TTC29: variants seen among roughly 807,000 people sequenced by gnomAD.
TTC29 encodes the protein tetratricopeptide repeat protein 29.
A neutral mutation model predicts 58.1 loss-of-function variants in TTC29; 49 were observed. The ratio of observed to expected loss-of-function variants is 0.84; its 90% confidence interval spans 0.67 to 1.07. The LOEUF (loss-of-function observed/expected upper bound fraction) is 1.07. Among genes scored for constraint, TTC29 ranks in the 50% least tolerant of loss-of-function variants. TTC29 has a pLI of 0.00. For missense variants in TTC29, 582 were observed against 555.6 expected, an observed-to-expected ratio of 1.05 and a Z score of -0.48; for synonymous variants, 209 against 196.8, an observed-to-expected ratio of 1.06 and a Z score of -0.52.
At chr4:146,887,162 T>C (rs545991218) in intron 6 of TTC29, among the ~76,000 whole-genome samples, 16 of 152,122 alleles carry the variant, frequency 1.1e-4, no homozygotes, top group Non-Finnish European at 2.4e-4. Flanking sequence ...CTATAGATAA[T>C]AATATTTATT....
intron 8 of TTC29, among the ~76,000 whole-genome samples, chr4:146,855,136 A>T (rs1233023395): frequency 1.3e-5 from 2 of 151,730 alleles, no homozygotes; most frequent in Non-Finnish European, 2.9e-5. Flanking sequence ...GTCTCTTAAA[A>T]CTACAAAAAT....
rs575807179 is a variant in TTC29, at chr4:146,911,240, T to C, written c.177-1991A>G. Among the ~76,000 whole-genome samples the C allele has an allele frequency of 2.2e-4, 34 of 152,242 alleles. No homozygotes were observed. The South Asian group carries it at 6.6e-3, about 30-fold the overall frequency. ...TAGGAGAAGGGACTTAATATTCCAG[T>C]GGGCATCATGTGTGGCCCAGAATTT... On this transcript the variant is annotated intron_variant, in intron 4 of 12. Transcript: ENST00000325106.
intron 4 of TTC29, among the ~76,000 whole-genome samples, chr4:146,933,225 T>C (rs1735487874): frequency 6.6e-6 from 1 of 152,212 alleles, no homozygotes; most frequent in Non-Finnish European, 1.5e-5. Context: ...AAGAAAGTAA[T>C]ATCTTAGAGA....
intron 7 of TTC29, among the ~76,000 whole-genome samples, chr4:146,870,580 A>T (rs1730866561): frequency 6.6e-6 from 1 of 151,992 alleles, no homozygotes; most frequent in South Asian, 2.1e-4. Flanking sequence ...AACAAAATTA[A>T]CAAATGTTTA....
chr4:146,743,355 GT>G (rs1745306311), intron 11 of TTC29, among the ~76,000 whole-genome samples: 1 of 152,020 alleles, frequency 6.6e-6, no homozygotes, highest in South Asian at 2.1e-4. Context: ...TCTACCCAAG[GT>G]ACAGTCACTC....
chr4:146,895,381 G>C (rs1403183454), intron 6 of TTC29, among the ~76,000 whole-genome samples: 1 of 152,176 alleles, frequency 6.6e-6, no homozygotes, highest in Non-Finnish European at 1.5e-5. Flanking sequence ...GGAAACACTA[G>C]GAAACTGTGT....
intron 11 of TTC29, among the ~76,000 whole-genome samples, chr4:146,800,447 T>C (rs1321337203): frequency 6.6e-6 from 1 of 152,198 alleles, no homozygotes. Flanking sequence ...TCTGAATACA[T>C]GGGACTCTTC....
At position 146,838,411 on chromosome 4, in the gene TTC29, AG is replaced by A. The variant is rs1279088177; in HGVS notation, c.886-4515del. Among the ~76,000 whole-genome samples the A allele has an allele frequency of 2.0e-4, 31 of 151,868 alleles. 1 individual carries two copies. The South Asian group carries it at 6.0e-3, about 30-fold the overall frequency. Reference sequence around the variant, plus strand: ...GATTGTCAACTGTCAAAAAAAAAATAGAATATCTATCTGTCTTAGAGAAAGT... The same window carrying A: ...GATTGTCAACTGTCAAAAAAAAAATAAATATCTATCTGTCTTAGAGAAAGT... On this transcript the variant is annotated intron_variant, in intron 8 of 12. Coordinates refer to ENST00000325106, the MANE Select transcript of TTC29 (RefSeq NM_031956.4).
chr4:146,805,822 T>C (rs1750571056), intron 10 of TTC29, among the ~76,000 whole-genome samples: 1 of 152,126 alleles, frequency 6.6e-6, no homozygotes, highest in Admixed American at 6.5e-5. Context: ...TTCAGGATAC[T>C]ATATGGGAGC....
intron 11 of TTC29, among the ~76,000 whole-genome samples, chr4:146,713,155 G>A (rs1346784655): frequency 7.2e-6 from 1 of 137,966 alleles, no homozygotes; most frequent in Admixed American, 7.4e-5. Flanking sequence ...AGGTGGGGGA[G>A]GGGAAACAAG....
intron 10 of TTC29, among the ~76,000 whole-genome samples, chr4:146,819,525 T>C (rs1348249346): frequency 1.3e-5 from 2 of 152,074 alleles, no homozygotes; most frequent in African/African-American, 4.8e-5. Context: ...CAGGAGAAAA[T>C]ACGACAAAAG....
At chr4:146,909,785 C>G (rs1733774667) in intron 4 of TTC29, among the ~76,000 whole-genome samples, 2 of 151,876 alleles carry the variant, frequency 1.3e-5, no homozygotes, top group Non-Finnish European at 2.9e-5. Context: ...TAATTATATT[C>G]TCACTTCAAT....
intron 8 of TTC29, among the ~76,000 whole-genome samples, chr4:146,844,144 T>C (rs776575689): frequency 6.6e-6 from 1 of 152,210 alleles, no homozygotes; most frequent in South Asian, 2.1e-4. Context: ...AGAGTTTACA[T>C]TGTATTTTCA....
intron 11 of TTC29, among the ~76,000 whole-genome samples, chr4:146,754,909 G>A (rs1246929689): frequency 2.0e-5 from 3 of 151,424 alleles, no homozygotes; most frequent in Non-Finnish European, 4.4e-5. Context: ...AGATTAATCA[G>A]AAAAGAAAAA....
intron 11 of TTC29, among the ~76,000 whole-genome samples, chr4:146,785,394 A>G (rs1380945809): frequency 6.6e-6 from 1 of 152,188 alleles, no homozygotes; most frequent in Non-Finnish European, 1.5e-5. Context: ...GGCAGCAACA[A>G]AAATGTTTGG....
At chr4:146,835,121 T>G (rs1477065998) in intron 8 of TTC29, among the ~76,000 whole-genome samples, 1 of 152,214 alleles carries the variant, frequency 6.6e-6, no homozygotes, top group Non-Finnish European at 1.5e-5. Context: ...AAATGTATTC[T>G]TTTAGCAATT....
chr4:146,853,145 GT>G (rs1337869948), intron 8 of TTC29, among the ~76,000 whole-genome samples: 2 of 151,920 alleles, frequency 1.3e-5, no homozygotes, highest in African/African-American at 4.8e-5. Context: ...TTTTTAAGTA[GT>G]TTTTCTTTTA....
chr4:146,779,203 T>G (rs1748382474), intron 11 of TTC29, among the ~76,000 whole-genome samples: 1 of 151,962 alleles, frequency 6.6e-6, no homozygotes, highest in African/African-American at 2.4e-5. Flanking sequence ...AAAAAATATT[T>G]TATAATAGTT....
At chr4:146,724,000 T>C (rs1226855780) in intron 11 of TTC29, among the ~76,000 whole-genome samples, 1 of 152,144 alleles carries the variant, frequency 6.6e-6, no homozygotes, top group Non-Finnish European at 1.5e-5. Flanking sequence ...GTGGACCGAA[T>C]AAAGAAAAGG....
Sources: gnomAD v4.1 joint callset for allele counts (sites outside exome capture counted in the v4.1 genomes callset) on GRCh38, gnomAD v4.1.1 for gene constraint, MANE v1.5 for transcripts, NCBI Gene and HGNC (gene_info 2026-07-23, HGNC 2026-07-21) for gene names.